SMIM41: variants seen among roughly 807,000 people sequenced by gnomAD.
SMIM41 encodes small integral membrane protein 41.
At chr12:52,086,608 G>A (rs1398803795) in intron 2 of SMIM41, among the ~76,000 whole-genome samples, 4 of 152,176 alleles carry the variant, frequency 2.6e-5, no homozygotes, top group African/African-American at 4.8e-5. Context: ...GGCTGCAGCC[G>A]CACGCCCACG....
intron 2 of SMIM41, chr12:52,104,306 C>T (rs1807017885): frequency 6.5e-6 from 1 of 153,512 alleles, no homozygotes; most frequent in Admixed American, 6.5e-5. Context: ...CCTTGAGCCC[C>T]CCAGGCCATA....
At chr12:52,096,366 G>A (rs779655338) in intron 2 of SMIM41, among the ~76,000 whole-genome samples, 3 of 151,838 alleles carry the variant, frequency 2.0e-5, no homozygotes, top group South Asian at 2.1e-4. Flanking sequence ...CAATATCACC[G>A]GGTGGGTGTA....
chr12:52,092,844 T>C (rs1380084096), intron 2 of SMIM41, among the ~76,000 whole-genome samples: 1 of 152,234 alleles, frequency 6.6e-6, no homozygotes, highest in Non-Finnish European at 1.5e-5. Context: ...TTTTTTTTAG[T>C]AAAGTAGTTT....
At chr12:52,102,380 G>T (rs1485547280) in intron 2 of SMIM41, among the ~76,000 whole-genome samples, 1 of 152,142 alleles carries the variant, frequency 6.6e-6, no homozygotes, top group Non-Finnish European at 1.5e-5. Flanking sequence ...AGATTCCTTG[G>T]ATTACATCTA....
chr12:52,085,371 C>T (rs988027959), intron 2 of SMIM41, among the ~76,000 whole-genome samples: 3 of 152,130 alleles, frequency 2.0e-5, no homozygotes, highest in African/African-American at 7.2e-5. Context: ...CTGACAAGGC[C>T]CTGAACCTCT....
chr12:52,095,145 G>A (rs908226973), intron 2 of SMIM41, among the ~76,000 whole-genome samples: 7 of 151,890 alleles, frequency 4.6e-5, no homozygotes, highest in South Asian at 2.1e-4. Flanking sequence ...ATGGGGTGTC[G>A]CTATGTTGCC....
chr12:52,094,554 C>T (rs1454355298), intron 2 of SMIM41: 1 of 152,266 alleles, frequency 6.6e-6, no homozygotes, highest in African/African-American at 2.4e-5. Context: ...GAGGGAAACT[C>T]TTCCATGCAC....
chr12:52,094,159 A>AG (rs1491377070), intron 2 of SMIM41, among the ~76,000 whole-genome samples: 1 of 148,832 alleles, frequency 6.7e-6, no homozygotes, highest in Non-Finnish European at 1.5e-5. Flanking sequence ...AAAGAAAAAA[A>AG]GAAAAATCTA....
chr12:52,095,401 G>A (rs886646353), intron 2 of SMIM41, among the ~76,000 whole-genome samples: 6 of 151,926 alleles, frequency 3.9e-5, no homozygotes, highest in Admixed American at 2.0e-4. Flanking sequence ...GTCCCATAGC[G>A]TGTTTACGTT....
At chr12:52,100,084 T>TCCC (rs34419454) in intron 2 of SMIM41, among the ~76,000 whole-genome samples, 1 of 150,860 alleles carries the variant, frequency 6.6e-6, no homozygotes, top group African/African-American at 2.4e-5. Flanking sequence ...TATGATCCTC[T>TCCC]CCCCCCCCGG....
chr12:52,084,400 A>G (rs1187929931), intron 2 of SMIM41, among the ~76,000 whole-genome samples: 1 of 150,046 alleles, frequency 6.7e-6, no homozygotes, highest in Non-Finnish European at 1.5e-5. Context: ...AAAAAAAAAC[A>G]AACAAAAACC....
Position 52,107,376 on chromosome 12 carries a change from T to C in SMIM41, c.*196-3T>C, listed in dbSNP as rs182491481. On this transcript the variant is annotated splice_polypyrimidine_tract_variant and splice_region_variant and intron_variant, in intron 2 of 2. Transcript: ENST00000546390. The stretch of plus-strand genomic sequence containing the variant: ...ACAGATGTCTCTATATTCCTCCTCC[T>C]AGAACCTCAGAGGATCCAGAACGGC... The C allele has an allele frequency of 5.6e-6, 3 of 538,670 alleles. No homozygotes were observed. In the East Asian group the frequency reaches 1.5e-4, roughly 26 times the overall value. 33.4% of individuals were successfully genotyped at this position (538,670 alleles called of 1,614,324 possible). A position where few individuals can be genotyped will look rare whatever the true frequency, so the allele number is the denominator to read the frequency against.
chr12:52,099,007 ATCT>A (rs1347947593), intron 2 of SMIM41, among the ~76,000 whole-genome samples: 1 of 151,928 alleles, frequency 6.6e-6, no homozygotes, highest in Non-Finnish European at 1.5e-5. Context: ...GAGTAATATC[ATCT>A]TCTCTCTCTC....
intron 2 of SMIM41, among the ~76,000 whole-genome samples, chr12:52,101,658 A>G (rs562671722): frequency 9.0e-4 from 137 of 152,040 alleles, no homozygotes; most frequent in African/African-American, 3.2e-3. Flanking sequence ...TAACTTTCTC[A>G]TTATGCTGGT....
At chr12:52,103,651 C>T (rs1289573358) in intron 2 of SMIM41, among the ~76,000 whole-genome samples, 2 of 152,054 alleles carry the variant, frequency 1.3e-5, no homozygotes, top group Non-Finnish European at 2.9e-5. Context: ...CCCAGCTACT[C>T]GGGAGACTGA....
At chr12:52,082,013 T>G (rs1290810645) in intron 1 of SMIM41, 1 of 152,274 alleles carries the variant, frequency 6.6e-6, no homozygotes, top group Non-Finnish European at 1.5e-5. Context: ...CCTGTGCCAC[T>G]GCCCCCTTCC....
Position 52,079,718 on chromosome 12 carries a change from C to T in SMIM41, c.-62C>T. The T allele has an allele frequency of 2.6e-6, 1 of 390,208 alleles. No homozygotes were observed. Among genetic ancestry groups the T allele is most frequent in the Non-Finnish European group, 4.5e-6 (1 of 220,660 alleles). The allele number at this position is 390,208 out of a possible 1,614,324, so 24.2% of individuals were successfully genotyped here. On this transcript the variant is annotated 5_prime_UTR_variant, in exon 1 of 3. Coordinates refer to ENST00000546390, the MANE Select transcript of SMIM41 (RefSeq NM_001369216.1). ...TCCCCGACGCAGCCGCCGGCCCGCC[C>T]GCCAGTCTGGGCTCCTGCACATCTG...
At chr12:52,102,361 A>G (rs775592328) in intron 2 of SMIM41, among the ~76,000 whole-genome samples, 101 of 152,248 alleles carry the variant, frequency 6.6e-4, no homozygotes, top group Admixed American at 2.4e-3. Flanking sequence ...TAGGCAACAA[A>G]AGAAAATTAG....
intron 2 of SMIM41, among the ~76,000 whole-genome samples, chr12:52,085,816 G>T (rs1939884390): frequency 6.6e-6 from 1 of 152,214 alleles, no homozygotes. Context: ...ATCTGGGCCT[G>T]TTCAGTCTTG....
Sources: allele counts gnomAD v4.1 joint callset (sites outside exome capture counted in the v4.1 genomes callset), GRCh38; gene constraint gnomAD v4.1.1; transcripts MANE v1.5; gene names NCBI Gene and HGNC (gene_info 2026-07-23, HGNC 2026-07-21).